Variants in SLC4A10 observed in about 807,000 individuals in gnomAD.
The protein encoded by SLC4A10 is solute carrier family 4 member 10.
A neutral mutation model predicts 137.7 loss-of-function variants in SLC4A10; 42 were observed. The observed-to-expected ratio is 0.30, with a 90% CI of 0.24 to 0.39. SLC4A10 has a LOEUF of 0.39. Ranked by LOEUF, SLC4A10 falls within the 10% of genes least tolerant of loss-of-function variation. SLC4A10 has a pLI of 1.00. For missense variants in SLC4A10, 925 were observed against 1,355.0 expected (o/e 0.68, Z 4.98); for synonymous variants, 474 against 464.1 (o/e 1.02, Z -0.27).
At chr2:161,626,951 A>G (rs978733970) in intron 1 of SLC4A10, among the ~76,000 whole-genome samples, 1 of 152,160 alleles carries the variant, frequency 6.6e-6, no homozygotes, top group Non-Finnish European at 1.5e-5. Context: ...GCAATATAGC[A>G]TAATATTTAG....
At chr2:161,716,102 T>G (rs1397907096) in intron 1 of SLC4A10, among the ~76,000 whole-genome samples, 4 of 152,136 alleles carry the variant, frequency 2.6e-5, no homozygotes, top group African/African-American at 9.7e-5. Flanking sequence ...AAGCTTTCTC[T>G]AAATATGTTT....
chr2:161,918,451 T>C (rs1385793966), intron 15 of SLC4A10, among the ~76,000 whole-genome samples: 2 of 152,054 alleles, frequency 1.3e-5, no homozygotes, highest in African/African-American at 4.8e-5. Flanking sequence ...CCACCACACC[T>C]GGCCTAGAAG....
intron 6 of SLC4A10, among the ~76,000 whole-genome samples, chr2:161,866,251 G>A (rs1258701843): frequency 6.6e-6 from 1 of 151,890 alleles, no homozygotes; most frequent in African/African-American, 2.4e-5. Flanking sequence ...ATTTCAAACG[G>A]GGTCTTCCCC....
At chr2:161,835,511 T>TA (rs2058711226) in intron 3 of SLC4A10, among the ~76,000 whole-genome samples, 3 of 152,220 alleles carry the variant, frequency 2.0e-5, no homozygotes, top group Admixed American at 2.0e-4. Flanking sequence ...TACACTTGGC[T>TA]ATGAGGATGA....
At position 161,789,520 on chromosome 2, in the gene SLC4A10, A is replaced by G. The variant is rs1027584098; in HGVS notation, c.131-14929A>G. 4.3e-5 allele frequency among the ~76,000 whole-genome samples: 6 copies of G among 140,734 alleles called. No individual in the cohort carries two copies. The South Asian group carries it at 1.3e-3, about 30-fold the overall frequency. The allele number at this position is 140,734 out of a possible 152,430, so 92.3% of individuals were successfully genotyped here. ...CTGACATCTCTAGTCAGCCATCTTG[A>G]AAAAAAAAAGCTACATTAAAGTTAT... On this transcript the variant is annotated intron_variant, in intron 2 of 26. Coordinates refer to ENST00000446997, the MANE Select transcript of SLC4A10 (RefSeq NM_001178015.2).
intron 1 of SLC4A10, among the ~76,000 whole-genome samples, chr2:161,683,316 A>G (rs964579719): frequency 2.0e-5 from 3 of 152,220 alleles, no homozygotes; most frequent in African/African-American, 7.2e-5. Context: ...GAGGAATTCA[A>G]TAAACTTTTG....
At chr2:161,978,384 C>CAAAAAAAAAAAAAAAAAAAAAAAAAAAA (rs61399867) in intron 26 of SLC4A10, among the ~76,000 whole-genome samples, 2 of 90,468 alleles carry the variant, frequency 2.2e-5, no homozygotes, top group African/African-American at 4.4e-5. Flanking sequence ...GAGACTCTGT[C>CAAAAAAAAAAAAAAAAAAAAAAAAAAAA]AAAAAAAAAA....
At chr2:161,727,084 G>A (rs1429785632) in intron 1 of SLC4A10, among the ~76,000 whole-genome samples, 2 of 152,178 alleles carry the variant, frequency 1.3e-5, no homozygotes, top group Non-Finnish European at 2.9e-5. Context: ...ATTCAAATTT[G>A]CTTTGGACTA....
At position 161,771,016 on chromosome 2, in the gene SLC4A10, C is replaced by G; in HGVS notation, c.92C>G (p.Ser31Cys). ...GTTGTGGATAGAGGTGGAACTCGTT[C>G]TATTCTCAAAACACACTTTGAGAAA... ...EAVVDRGGTR[S>C]ILKTHFEKED... The change falls in exon 2 of 27, where the codon TCT becomes TGT. Residue 31 changes from serine to cysteine, a missense_variant. This residue lies in a region of SLC4A10 where 138 missense variants were observed against 171.3 expected (regional missense o/e 0.81). Coordinates refer to ENST00000446997, the MANE Select transcript of SLC4A10 (RefSeq NM_001178015.2). The G allele has an allele frequency of 6.2e-7, 1 of 1,605,930 alleles. No homozygotes were observed. Among genetic ancestry groups the G allele is most frequent in the South Asian group, 1.1e-5 (1 of 89,626 alleles).
At position 161,984,149 on chromosome 2, in the gene SLC4A10, C is replaced by T. The variant is rs760575295; in HGVS notation, c.*997C>T. ...CTTAATGCTGGTCCTGAATCATGTTCTCATGTTAGACCAACAGCTCTCCAA... is the reference window on the plus strand; with the variant it reads ...CTTAATGCTGGTCCTGAATCATGTTTTCATGTTAGACCAACAGCTCTCCAA... On this transcript the variant is annotated 3_prime_UTR_variant, in exon 27 of 27. Transcript: ENST00000446997. 4.6e-5 allele frequency: 7 copies of T among 152,080 alleles called. No homozygotes were observed. The highest frequency in any genetic ancestry group is 7.4e-5 in the Non-Finnish European group (5 of 67,988). 9.4% of individuals were successfully genotyped at this position (152,080 alleles called of 1,614,324 possible). A position where few individuals can be genotyped will look rare whatever the true frequency, so the allele number is the denominator to read the frequency against.
At chr2:161,804,665 G>A in intron 3 of SLC4A10, 70 bp downstream of exon 3, 2 of 1,415,984 alleles carry the variant, frequency 1.4e-6, no homozygotes, top group East Asian at 2.5e-5. Context: ...ATTATGATTA[G>A]GAGTAATACC....
intron 2 of SLC4A10, among the ~76,000 whole-genome samples, chr2:161,789,912 C>T (rs1194877096): frequency 6.6e-6 from 1 of 152,140 alleles, no homozygotes; most frequent in Non-Finnish European, 1.5e-5. Flanking sequence ...TAAATCTTTA[C>T]ATAAGGTAGG....
chr2:161,826,343 C>G (rs1188668784), intron 3 of SLC4A10, among the ~76,000 whole-genome samples: 1 of 152,154 alleles, frequency 6.6e-6, no homozygotes, highest in Non-Finnish European at 1.5e-5. Flanking sequence ...TGAATCTGTT[C>G]TCTTAAGCTA....
intron 10 of SLC4A10, 41 bp from the exon 11 acceptor site, chr2:161,894,638 T>A (rs2063262433): frequency 3.6e-6 from 4 of 1,095,924 alleles, no homozygotes; most frequent in Admixed American, 7.8e-5. Flanking sequence ...TATTTTATAA[T>A]TATTTTTAAG....
chr2:161,899,020 A>G (rs933895119), intron 11 of SLC4A10, among the ~76,000 whole-genome samples: 2 of 152,004 alleles, frequency 1.3e-5, no homozygotes, highest in Admixed American at 6.6e-5. Flanking sequence ...TTATTTCCCT[A>G]AGAAATTTGA....
At chr2:161,805,918 A>G (rs2055897988) in intron 3 of SLC4A10, among the ~76,000 whole-genome samples, 1 of 152,130 alleles carries the variant, frequency 6.6e-6, no homozygotes, top group South Asian at 2.1e-4. Flanking sequence ...GTAACCCCAC[A>G]TTTCCCTTCT....
chr2:161,689,964 T>A (rs1418398077), intron 1 of SLC4A10, among the ~76,000 whole-genome samples: 1 of 152,180 alleles, frequency 6.6e-6, no homozygotes, highest in African/African-American at 2.4e-5. Context: ...CTCTGAAGAA[T>A]ATAGTGGATT....
At chr2:161,894,048 T>C (rs1184264666) in intron 10 of SLC4A10, among the ~76,000 whole-genome samples, 1 of 151,932 alleles carries the variant, frequency 6.6e-6, no homozygotes, top group Non-Finnish European at 1.5e-5. Context: ...AGAGAAACCA[T>C]AGAAAGTAGG....
At chr2:161,739,619 GCACCCCCATA>G (rs2047677459) in intron 1 of SLC4A10, among the ~76,000 whole-genome samples, 1 of 152,070 alleles carries the variant, frequency 6.6e-6, no homozygotes, top group Non-Finnish European at 1.5e-5. Flanking sequence ...TCCATTTTTA[GCACCCCCATA>G]CTTACCGGCA....
Sources: gnomAD v4.1 joint callset for allele counts (sites outside exome capture counted in the v4.1 genomes callset) on GRCh38, gnomAD v4.1.1 for gene constraint, gnomAD v4.1.1 regional missense constraint, MANE v1.5 for transcripts, NCBI Gene and HGNC (gene_info 2026-07-23, HGNC 2026-07-21) for gene names.